SIDT1: variants seen among roughly 807,000 people sequenced by gnomAD.
The protein encoded by SIDT1 is SID1 transmembrane family member 1, also known as SID1 transmembrane family, member 1.
Under a neutral mutation model 107.5 loss-of-function variants are expected in SIDT1, and 101 were observed. That is an observed-to-expected ratio of 0.94 (90% CI 0.80 to 1.11). SIDT1 has a LOEUF of 1.11. Ranked by LOEUF, SIDT1 falls within the 50% of genes least tolerant of loss-of-function variation. SIDT1 has a pLI of 0.00. For missense variants in SIDT1, 1,076 were observed against 1,058.2 expected (o/e 1.02, Z -0.23); for synonymous variants, 395 against 398.2 (o/e 0.99, Z 0.10).
At chr3:113,575,059 A>C (rs1268214333) in intron 3 of SIDT1, among the ~76,000 whole-genome samples, 2 of 152,246 alleles carry the variant, frequency 1.3e-5, no homozygotes, top group Non-Finnish European at 2.9e-5. Flanking sequence ...GTAGTCTTAA[A>C]CACAGTAACA....
At chr3:113,624,245 A>T (rs1279336193) in intron 23 of SIDT1, among the ~76,000 whole-genome samples, 1 of 152,246 alleles carries the variant, frequency 6.6e-6, no homozygotes, top group African/African-American at 2.4e-5. Context: ...CATATGCATC[A>T]GCATTCACTC....
intron 11 of SIDT1, 88 bp from the exon 12 acceptor site, chr3:113,602,917 T>G: frequency 1.5e-6 from 2 of 1,366,346 alleles, no homozygotes; most frequent in East Asian, 4.8e-5. Flanking sequence ...TTTCCTAGAA[T>G]GAGTCTGCAC....
At chr3:113,568,466 C>A (rs532706770) in intron 3 of SIDT1, among the ~76,000 whole-genome samples, 2,351 of 151,736 alleles carry the variant, frequency 0.015, 62 homozygotes, top group African/African-American at 0.054. Context: ...CGGTGGCGGG[C>A]ACCTGTAATC....
chr3:113,587,466 T>C (rs747632447), intron 9 of SIDT1, among the ~76,000 whole-genome samples: 5 of 152,134 alleles, frequency 3.3e-5, no homozygotes, highest in African/African-American at 4.8e-5. Context: ...CGAATCAGAG[T>C]TACTAATATT....
At chr3:113,599,060 T>G (rs942499824) in intron 10 of SIDT1, among the ~76,000 whole-genome samples, 6 of 152,228 alleles carry the variant, frequency 3.9e-5, no homozygotes, top group Non-Finnish European at 8.8e-5. Context: ...AACCCGGTGG[T>G]TGAGGCTACA....
chr3:113,617,037 A>G (rs1200720821), intron 20 of SIDT1, among the ~76,000 whole-genome samples: 4 of 152,210 alleles, frequency 2.6e-5, no homozygotes, highest in African/African-American at 4.8e-5. Flanking sequence ...AACAGTGATC[A>G]TAGCTATGGG....
At chr3:113,572,992 A>G (rs897283495) in intron 3 of SIDT1, among the ~76,000 whole-genome samples, 14 of 131,194 alleles carry the variant, frequency 1.1e-4, no homozygotes, top group African/African-American at 3.6e-4. Context: ...AAAGATTTAC[A>G]TTCCTTTTTT....
At chr3:113,597,250 A>G (rs1269671910) in intron 10 of SIDT1, among the ~76,000 whole-genome samples, 1 of 152,186 alleles carries the variant, frequency 6.6e-6, no homozygotes, top group African/African-American at 2.4e-5. Context: ...TAATCCCAAC[A>G]CTTTGGGAGG....
Position 113,594,073 on chromosome 3 carries a change from GT to G in SIDT1, c.1045+1028del, listed in dbSNP as rs544438193. ...GGTTTTTAAGTCATACATAGCAGAT[GT>G]TTAGGTGTGTGTTTTCCACACTTAA... On this transcript the variant is annotated intron_variant, in intron 10 of 24. Transcript: ENST00000264852. Among the ~76,000 whole-genome samples the G allele has an allele frequency of 3.3e-4, 51 of 152,336 alleles. No individual in the cohort carries two copies. The South Asian group carries it at 0.01, about 30-fold the overall frequency.
At position 113,593,147 on chromosome 3, in the gene SIDT1, A is replaced by T. The variant is rs560872577; in HGVS notation, c.1045+99A>T. 247 of 1,013,506 alleles carry T rather than the reference A, an allele frequency of 2.4e-4. No homozygotes were observed. In the African/African-American group the frequency reaches 3.7e-3, roughly 15 times the overall value. 62.8% of individuals were successfully genotyped at this position (1,013,506 alleles called of 1,614,324 possible). ...ACCTCTCTGCCTTTTGCAATTTACA[A>T]ACCCTCCCTTGATTCCTATCCCGCA... On this transcript the variant is annotated intron_variant, in intron 10 of 24. Transcript: ENST00000264852.
At chr3:113,589,415 A>G (rs543519176) in intron 9 of SIDT1, among the ~76,000 whole-genome samples, 4 of 152,280 alleles carry the variant, frequency 2.6e-5, no homozygotes, top group African/African-American at 4.8e-5. Context: ...ATCATCTTCT[A>G]TGAGTACATA....
downstream of SIDT1, among the ~76,000 whole-genome samples, chr3:113,633,517 A>G (rs145199818): frequency 1.2e-3 from 184 of 152,318 alleles, 1 homozygote; most frequent in African/African-American, 4.3e-3. Flanking sequence ...GGGGGAAGGG[A>G]ACAGGTATGA....
In SIDT1 at chr3:113,536,885, G is replaced by A. The variant is rs749543569; in HGVS notation, c.222+3642G>A. Among the ~76,000 whole-genome samples, 49 of 152,240 alleles carry A rather than the reference G, an allele frequency of 3.2e-4. 1 individual carries two copies. Among genetic ancestry groups the A allele is most frequent in the Non-Finnish European group, 6.6e-4 (45 of 68,044 alleles). On this transcript the variant is annotated intron_variant, in intron 1 of 24. Transcript: ENST00000264852. Reference sequence around the variant, plus strand: ...TGTCTGGAGACTCTCTTTAAGAGGAGGAGGGCTATACTGTGCAAACAGGGT... The same window carrying A: ...TGTCTGGAGACTCTCTTTAAGAGGAAGAGGGCTATACTGTGCAAACAGGGT...
chr3:113,619,543 C>T, intron 20 of SIDT1, 137 bp from the exon 21 acceptor site: 2 of 730,226 alleles, frequency 2.7e-6, no homozygotes, highest in Non-Finnish European at 4.8e-6. Context: ...AGATCATAGG[C>T]AAGGCACTCT....
Position 113,626,159 on chromosome 3 carries a change from G to C in SIDT1, c.2365G>C (p.Asp789His), listed in dbSNP as rs376955023. The C allele has an allele frequency of 6.2e-7, 1 of 1,614,074 alleles. No homozygotes were observed. ...CGAGTGCATTCTGCTGGATTTCTTC[G>C]ATGACCATGACATCTGGCACTTCCT... ...NRECILLDFF[D>H]DHDIWHFLSA... The change falls in exon 24 of 25, where the codon GAT becomes CAT. Residue 789 changes from aspartate (D) to histidine (H), a missense_variant. Asp to His is a moderately conservative substitution (Grantham distance 81, BLOSUM62 -1). Coordinates refer to ENST00000264852, the MANE Select transcript of SIDT1 (RefSeq NM_017699.3).
Position 113,619,691 on chromosome 3 carries a change from G to T in SIDT1, c.2055G>T (p.Val685=), listed in dbSNP as rs1161891671. ...TTCCTCTTTTCCAGGATAGAATGGT[G>T]TTGCTGGTTGTGGGGAATCTGGTTA... The part of the protein sequence containing the change: ...CSRPLYMDRM[V]LLVVGNLVNW... Residue 685 remains valine, a synonymous_variant, in exon 21 of 25, where the codon GTG becomes GTT. Transcript: ENST00000264852. 3 of 1,614,062 alleles carry T rather than the reference G, an allele frequency of 1.9e-6. No homozygotes were observed. In the Admixed American group the frequency reaches 5.0e-5, roughly 27 times the overall value.
In SIDT1 at chr3:113,584,776, G is replaced by T; in HGVS notation, c.907+7G>T. 6.4e-7 allele frequency: 1 copy of T among 1,573,636 alleles called. No individual in the cohort carries two copies. Among genetic ancestry groups the T allele is most frequent in the Non-Finnish European group, 8.6e-7 (1 of 1,164,364 alleles). ...ATTGTCCCTTCCATTAAAGGTCAGT[G>T]TTGGCTCCAGAATGCATTGAAGAGA... is the stretch of plus-strand genomic sequence containing the variant. On this transcript the variant is annotated splice_region_variant and intron_variant, in intron 8 of 24. Transcript: ENST00000264852.
chr3:113,576,182 A>G (rs1271992357), intron 3 of SIDT1, among the ~76,000 whole-genome samples: 1 of 152,200 alleles, frequency 6.6e-6, no homozygotes. Flanking sequence ...TCCTTTCTTC[A>G]GTGCCTAGAT....
chr3:113,556,375 T>C (rs2107687653), intron 1 of SIDT1, among the ~76,000 whole-genome samples: 2 of 152,108 alleles, frequency 1.3e-5, no homozygotes, highest in Non-Finnish European at 2.9e-5. Context: ...AAACGCTCCA[T>C]ATAATGAGAA....
Sources: gnomAD v4.1 joint callset for allele counts (sites outside exome capture counted in the v4.1 genomes callset) on GRCh38, gnomAD v4.1.1 for gene constraint, MANE v1.5 for transcripts, NCBI Gene and HGNC (gene_info 2026-07-23, HGNC 2026-07-21) for gene names.